FAM13C: variants seen among roughly 807,000 people sequenced by gnomAD.
FAM13C encodes the protein family with sequence similarity 13 member C.
Under a neutral mutation model 73.2 loss-of-function variants are expected in FAM13C, and 37 were observed. That is an observed-to-expected ratio of 0.51 (90% CI 0.39 to 0.67). FAM13C has a LOEUF of 0.67. FAM13C is among the 30% of genes least tolerant of loss of function. The probability of loss-of-function intolerance (pLI) is 0.00; values close to 1 mark genes in which losing one functional copy is unlikely to be tolerated. For missense variants in FAM13C, 589 were observed against 715.6 expected (o/e 0.82, Z 2.02); for synonymous variants, 246 against 260.9 (o/e 0.94, Z 0.55).
chr10:59,272,645 G>T (rs917421416), intron 6 of FAM13C, among the ~76,000 whole-genome samples: 1 of 152,200 alleles, frequency 6.6e-6, no homozygotes, highest in African/African-American at 2.4e-5. Context: ...TTAGAGGAAA[G>T]GGTCTGGGAG....
chr10:59,268,299 G>A (rs1843313473), intron 8 of FAM13C, among the ~76,000 whole-genome samples: 1 of 152,074 alleles, frequency 6.6e-6, no homozygotes, highest in Non-Finnish European at 1.5e-5. Context: ...AAAAAAAGGT[G>A]AGATCAATAA....
intron 4 of FAM13C, among the ~76,000 whole-genome samples, chr10:59,322,788 T>C (rs1440324689): frequency 6.6e-6 from 1 of 152,212 alleles, no homozygotes; most frequent in Non-Finnish European, 1.5e-5. Context: ...ACTAAATTGA[T>C]TCCAGTAGCC....
intron 5 of FAM13C, among the ~76,000 whole-genome samples, chr10:59,299,329 G>A (rs1847284480): frequency 6.6e-6 from 1 of 150,680 alleles, no homozygotes; most frequent in Admixed American, 6.6e-5. Flanking sequence ...TTCCTACAGA[G>A]TTAGAAATGC....
intron 5 of FAM13C, among the ~76,000 whole-genome samples, chr10:59,291,584 A>C (rs1370867633): frequency 6.6e-6 from 1 of 152,278 alleles, no homozygotes; most frequent in Non-Finnish European, 1.5e-5. Context: ...TCCTATCAGC[A>C]ATTCTTTTTA....
intron 3 of FAM13C, among the ~76,000 whole-genome samples, chr10:59,348,008 A>G (rs1006505548): frequency 2.0e-5 from 3 of 152,172 alleles, no homozygotes; most frequent in Admixed American, 1.3e-4. Context: ...GTGTCTTTAC[A>G]GTAGGATTAT....
intron 4 of FAM13C, among the ~76,000 whole-genome samples, chr10:59,306,015 G>A (rs1022733869): frequency 2.5e-4 from 38 of 152,320 alleles, no homozygotes; most frequent in African/African-American, 8.9e-4. Flanking sequence ...ATGGCTCATA[G>A]TTTCTTTGTA....
chr10:59,262,650 G>A lies in FAM13C; in HGVS notation c.1025-5C>T. ...CTGACAGCTTTAGCTTTAGTTCTAA[G>A]AGAAATGCTATGAGTTATCATAAGC... is the stretch of plus-strand genomic sequence containing the variant. On this transcript the variant is annotated splice_region_variant and splice_polypyrimidine_tract_variant and intron_variant, in intron 9 of 13. Transcript: ENST00000618804. 6.2e-7 allele frequency: 1 copy of A among 1,611,846 alleles called. No individual in the cohort carries two copies. Among genetic ancestry groups the A allele is most frequent in the Non-Finnish European group, 8.5e-7 (1 of 1,178,458 alleles).
At chr10:59,303,670 G>A (rs1360851661) in intron 4 of FAM13C, among the ~76,000 whole-genome samples, 1 of 152,178 alleles carries the variant, frequency 6.6e-6, no homozygotes, top group Non-Finnish European at 1.5e-5. Flanking sequence ...GTGTGGCAGT[G>A]TTGGGAGGTG....
intron 3 of FAM13C, among the ~76,000 whole-genome samples, chr10:59,336,458 G>A (rs184820976): frequency 6.6e-6 from 1 of 152,046 alleles, no homozygotes; most frequent in Non-Finnish European, 1.5e-5. Context: ...ACTGCTCACG[G>A]CTCAGATCTC....
chr10:59,306,550 T>A (rs1221473489), intron 4 of FAM13C, among the ~76,000 whole-genome samples: 1 of 152,066 alleles, frequency 6.6e-6, no homozygotes, highest in African/African-American at 2.4e-5. Context: ...CTTCAGCAAA[T>A]CAAGCATCAG....
chr10:59,362,279 G>A (rs989945531), intron 1 of FAM13C, 120 bp downstream of exon 1: 5 of 1,388,164 alleles, frequency 3.6e-6, no homozygotes, highest in South Asian at 1.3e-5. Context: ...CACAGCCCCA[G>A]ATTCCGGGAG....
In FAM13C at chr10:59,265,332, G is replaced by GA. The variant is rs1315548990; in HGVS notation, c.943-1167_943-1166insT. Among the ~76,000 whole-genome samples, 3 of 46,000 alleles carry GA rather than the reference G, an allele frequency of 6.5e-5. 1 individual carries two copies. The highest frequency in any genetic ancestry group is 1.2e-4 in the Non-Finnish European group (3 of 24,332). 30.2% of individuals were successfully genotyped at this position (46,000 alleles called of 152,430 possible). A position where few individuals can be genotyped will look rare whatever the true frequency, so the allele number is the denominator to read the frequency against. ...GGGAAGGGGTTTTGGCGGGGGGGGGGGGGAATCCTGGTTTCAGGACCATGG... is the reference window on the plus strand; with the variant it reads ...GGGAAGGGGTTTTGGCGGGGGGGGGGAGGGAATCCTGGTTTCAGGACCATGG... On this transcript the variant is annotated intron_variant, in intron 8 of 13. Transcript: ENST00000618804.
chr10:59,309,630 C>A (rs1457457906), intron 4 of FAM13C, among the ~76,000 whole-genome samples: 2 of 152,224 alleles, frequency 1.3e-5, no homozygotes. Flanking sequence ...AGATAGCTCC[C>A]AGTCAGGTCT....
rs969440942 is a variant in FAM13C at position 59,251,644 on chromosome 10, C to A, written c.1565G>T (p.Arg522Met). The A allele has an allele frequency of 1.2e-6, 2 of 1,611,820 alleles. No individual in the cohort carries two copies. Among genetic ancestry groups the A allele is most frequent in the African/African-American group, 2.7e-5 (2 of 74,582 alleles). ...TTTCCGCAGTCTCTTCTTGTCAGCC[C>A]TAGTTTCTCGGAGATGGTCAAGAAG... ...PVLLDHLRET[R>M]ADKKRLRKAL... Residue 522 changes from arginine (R) to methionine (M), a missense_variant, in exon 13 of 14, where the codon AGG (arginine) becomes ATG (methionine). Physicochemically the swap from Arg to Met is moderately conservative, Grantham distance 91. Transcript: ENST00000618804.
intron 8 of FAM13C, among the ~76,000 whole-genome samples, chr10:59,265,938 C>T (rs1169259089): frequency 3.3e-5 from 5 of 152,086 alleles, no homozygotes; most frequent in East Asian, 1.9e-4. Flanking sequence ...GTCATACACA[C>T]GGAAATTACA....
At chr10:59,286,827 G>A (rs998736520) in intron 5 of FAM13C, among the ~76,000 whole-genome samples, 1 of 149,424 alleles carries the variant, frequency 6.7e-6, no homozygotes, top group Non-Finnish European at 1.5e-5. Flanking sequence ...GAGGTCAGGA[G>A]TTTGAGACCA....
chr10:59,348,665 G>A (rs1386992315), intron 3 of FAM13C, among the ~76,000 whole-genome samples: 1 of 152,042 alleles, frequency 6.6e-6, no homozygotes, highest in African/African-American at 2.4e-5. Context: ...TTGAGATGGA[G>A]TCTTGCTCTG....
At chr10:59,249,408 GAA>G (rs71006241) in intron 13 of FAM13C, among the ~76,000 whole-genome samples, 9,904 of 98,994 alleles carry the variant, frequency 0.1, 320 homozygotes, top group South Asian at 0.2. Flanking sequence ...CGTCTCAAAA[GAA>G]AAAAAAAAAA....
intron 4 of FAM13C, among the ~76,000 whole-genome samples, chr10:59,321,431 CCTTTTTT>C (rs1488915432): frequency 2.7e-5 from 3 of 109,848 alleles, no homozygotes; most frequent in Non-Finnish European, 3.7e-5. Context: ...CCTGCCAACA[CCTTTTTT>C]TTTTTTTTTT....
Sources: gnomAD v4.1 joint callset for allele counts (sites outside exome capture counted in the v4.1 genomes callset) on GRCh38, gnomAD v4.1.1 for gene constraint, MANE v1.5 for transcripts, NCBI Gene and HGNC (gene_info 2026-07-23, HGNC 2026-07-21) for gene names.